Variants in SLC2A13 observed in about 807,000 individuals in gnomAD.
SLC2A13 encodes proton myo-inositol cotransporter.
Under a neutral mutation model 64.4 loss-of-function variants are expected in SLC2A13, and 32 were observed. That is an observed-to-expected ratio of 0.50 (90% CI 0.37 to 0.67). SLC2A13 has a LOEUF of 0.67. Among genes scored for constraint, SLC2A13 ranks in the 30% least tolerant of loss-of-function variants. The probability of loss-of-function intolerance (pLI) is 0.00; values close to 1 mark genes in which losing one functional copy is unlikely to be tolerated. For missense variants in SLC2A13, 743 were observed against 829.2 expected (o/e 0.90, Z 1.28); for synonymous variants, 338 against 327.1 (o/e 1.03, Z -0.36).
chr12:40,076,035 C>T (rs562513916), intron 1 of SLC2A13, among the ~76,000 whole-genome samples: 1 of 152,176 alleles, frequency 6.6e-6, no homozygotes, highest in Non-Finnish European at 1.5e-5. Context: ...GATAAATCCA[C>T]CATCTGGGTC....
At chr12:39,890,565 T>C (rs1481820309) in intron 4 of SLC2A13, among the ~76,000 whole-genome samples, 1 of 152,248 alleles carries the variant, frequency 6.6e-6, no homozygotes, top group Non-Finnish European at 1.5e-5. Flanking sequence ...ATCTGACCTC[T>C]GTCAGATTTC....
chr12:40,075,594 C>A (rs1938139976), intron 1 of SLC2A13, among the ~76,000 whole-genome samples: 1 of 152,092 alleles, frequency 6.6e-6, no homozygotes, highest in South Asian at 2.1e-4. Context: ...TGAAATAATA[C>A]CATTTGAAGT....
At chr12:39,786,995 TA>T (rs10713705) in intron 7 of SLC2A13, among the ~76,000 whole-genome samples, 120,702 of 151,952 alleles carry the variant, frequency 0.79, 48,078 homozygotes, top group Non-Finnish European at 0.82. Flanking sequence ...TTCTTTTTTT[TA>T]AAAAAATAAT....
At chr12:39,778,321 C>T (rs1181719660) in intron 7 of SLC2A13, among the ~76,000 whole-genome samples, 1 of 152,198 alleles carries the variant, frequency 6.6e-6, no homozygotes, top group Admixed American at 6.5e-5. Context: ...TGCCCATGTG[C>T]CACCTAGCTG....
At chr12:39,997,943 A>G (rs968185215) in intron 3 of SLC2A13, among the ~76,000 whole-genome samples, 1 of 152,216 alleles carries the variant, frequency 6.6e-6, no homozygotes, top group African/African-American at 2.4e-5. Context: ...TAGTACAACC[A>G]CTATGGAAAG....
At chr12:39,947,796 G>A (rs1020222363) in intron 4 of SLC2A13, among the ~76,000 whole-genome samples, 6 of 151,512 alleles carry the variant, frequency 4.0e-5, no homozygotes, top group African/African-American at 1.2e-4. Flanking sequence ...GAGTAGCTGG[G>A]ACTACAGGCG....
At chr12:39,937,061 T>G (rs1214232933) in intron 4 of SLC2A13, among the ~76,000 whole-genome samples, 1 of 152,100 alleles carries the variant, frequency 6.6e-6, no homozygotes, top group Non-Finnish European at 1.5e-5. Flanking sequence ...GAGATTTAAG[T>G]TGAAATGCTG....
At chr12:39,855,505 C>T (rs918326863) in intron 6 of SLC2A13, among the ~76,000 whole-genome samples, 1 of 152,314 alleles carries the variant, frequency 6.6e-6, no homozygotes, top group East Asian at 1.9e-4. Flanking sequence ...GCCTTCATTA[C>T]ACTGTTTTGC....
At chr12:39,873,066 T>C (rs991552595) in intron 4 of SLC2A13, among the ~76,000 whole-genome samples, 1 of 152,204 alleles carries the variant, frequency 6.6e-6, no homozygotes, top group African/African-American at 2.4e-5. Flanking sequence ...CTGTCTACTA[T>C]TTTTTAAACT....
At chr12:40,103,574 G>T (rs573800913) in intron 1 of SLC2A13, among the ~76,000 whole-genome samples, 4 of 152,266 alleles carry the variant, frequency 2.6e-5, no homozygotes, top group African/African-American at 9.6e-5. Context: ...TAATACCCAA[G>T]ATTTTAACCA....
chr12:39,859,401 C>G lies in SLC2A13; in HGVS notation c.1319+5361G>C, dbSNP rs1176977448. On this transcript the variant is annotated intron_variant, in intron 6 of 9. Coordinates refer to ENST00000280871, the MANE Select transcript of SLC2A13 (RefSeq NM_052885.4). ...TTAATGGAAGATGTACTGGCATCAC[C>G]TGGGGAGCATTTCAAAACAACATGC... 2.7e-5 allele frequency among the ~76,000 whole-genome samples: 4 copies of G among 145,766 alleles called. No individual in the cohort carries two copies. The East Asian group carries it at 8.4e-4, about 31-fold the overall frequency.
At chr12:39,830,406 C>T in intron 6 of SLC2A13, 178 bp from the exon 7 acceptor site, 1 of 1,329,356 alleles carries the variant, frequency 7.5e-7, no homozygotes, top group Non-Finnish European at 9.6e-7. Context: ...TGGCTGGTCT[C>T]TTCGATTTCT....
chr12:40,088,199 T>C (rs9669240), intron 1 of SLC2A13, among the ~76,000 whole-genome samples: 55,730 of 152,014 alleles, frequency 0.37, 10,394 homozygotes, highest in Non-Finnish European at 0.4. Flanking sequence ...AGACACTAAG[T>C]ACAAAAGTAT....
At chr12:40,096,956 T>C (rs930697810) in intron 1 of SLC2A13, among the ~76,000 whole-genome samples, 1 of 152,114 alleles carries the variant, frequency 6.6e-6, no homozygotes, top group African/African-American at 2.4e-5. Flanking sequence ...ATTTATCATA[T>C]AATAGAAAGG....
At chr12:40,055,751 C>T (rs1948323693) in intron 1 of SLC2A13, among the ~76,000 whole-genome samples, 1 of 152,080 alleles carries the variant, frequency 6.6e-6, no homozygotes, top group Non-Finnish European at 1.5e-5. Context: ...TCTAATCACT[C>T]ATAGATAACC....
chr12:39,908,918 T>C (rs1945360264), intron 4 of SLC2A13, among the ~76,000 whole-genome samples: 2 of 152,002 alleles, frequency 1.3e-5, no homozygotes, highest in Non-Finnish European at 2.9e-5. Context: ...TGAACAGTTA[T>C]TGATACGTGA....
chr12:39,889,228 A>G (rs1042595965), intron 4 of SLC2A13, among the ~76,000 whole-genome samples: 1 of 152,150 alleles, frequency 6.6e-6, no homozygotes, highest in Non-Finnish European at 1.5e-5. Flanking sequence ...CTATTTATAT[A>G]TCACCATCAG....
intron 4 of SLC2A13, chr12:39,908,002 G>A (rs1231730979): frequency 6.6e-6 from 1 of 151,562 alleles, no homozygotes; most frequent in African/African-American, 2.4e-5. Flanking sequence ...ACTTCTCAGG[G>A]ATGCAAAATT....
chr12:39,874,942 G>A (rs923273984), intron 4 of SLC2A13, among the ~76,000 whole-genome samples: 1 of 152,194 alleles, frequency 6.6e-6, no homozygotes, highest in Non-Finnish European at 1.5e-5. Flanking sequence ...AAGGGGAGGA[G>A]CTGAAATTCA....
Sources: allele counts gnomAD v4.1 joint callset (sites outside exome capture counted in the v4.1 genomes callset), GRCh38; gene constraint gnomAD v4.1.1; transcripts MANE v1.5; gene names NCBI Gene and HGNC (gene_info 2026-07-23, HGNC 2026-07-21).